The following CDYL variants were observed in gnomAD, a reference collection of about 807,000 sequenced individuals.
CDYL encodes the protein chromodomain Y like, also known as chromodomain Y-like protein.
A neutral mutation model predicts 47.3 loss-of-function variants in CDYL; 8 were observed. That is an observed-to-expected ratio of 0.17 (90% CI 0.10 to 0.31). CDYL has a LOEUF of 0.31. CDYL is among the 10% of genes least tolerant of loss of function. The pLI is 1.00. For missense variants in CDYL, 471 were observed against 701.4 expected (o/e 0.67, Z 3.71); for synonymous variants, 266 against 265.0 (o/e 1.00, Z -0.04).
chr6:4,924,391 A>ACCTGCC (rs1448839217), intron 2 of CDYL, among the ~76,000 whole-genome samples: 5 of 152,166 alleles, frequency 3.3e-5, no homozygotes, highest in Non-Finnish European at 5.9e-5. Context: ...TTTGCCGTTC[A>ACCTGCC]CCTGCCCTTC....
chr6:4,854,220 C>T (rs1440296543), intron 1 of CDYL, among the ~76,000 whole-genome samples: 1 of 152,216 alleles, frequency 6.6e-6, no homozygotes, highest in Non-Finnish European at 1.5e-5. Flanking sequence ...GTGTCTGGCT[C>T]TCCTCACTGG....
intron 2 of CDYL, among the ~76,000 whole-genome samples, chr6:4,717,742 T>TAAAAAAAAAAAA (rs1434471633): frequency 2.6e-5 from 3 of 115,978 alleles, no homozygotes; most frequent in African/African-American, 9.6e-5. Flanking sequence ...AAAAAAAAAT[T>TAAAAAAAAAAAA]AAAAATTGAA....
At chr6:4,795,132 T>A (rs1335536938) in intron 1 of CDYL, among the ~76,000 whole-genome samples, 1 of 151,312 alleles carries the variant, frequency 6.6e-6, no homozygotes. Context: ...AAGCTGTGAA[T>A]ATTTGTTAGA....
chr6:4,723,974 T>C (rs1025138840), intron 2 of CDYL, among the ~76,000 whole-genome samples: 3 of 152,236 alleles, frequency 2.0e-5, no homozygotes, highest in Non-Finnish European at 4.4e-5. Context: ...GAGAGATTTA[T>C]GTATCCGTGA....
chr6:4,787,787 T>TTTTTTTC (rs1758795824), intron 1 of CDYL, among the ~76,000 whole-genome samples: 1 of 143,974 alleles, frequency 6.9e-6, no homozygotes, highest in African/African-American at 2.7e-5. Flanking sequence ...TTTTTTTTTT[T>TTTTTTTC]TGGGAGACAG....
intron 2 of CDYL, among the ~76,000 whole-genome samples, chr6:4,900,631 C>T (rs1456300768): frequency 2.6e-5 from 4 of 151,350 alleles, no homozygotes; most frequent in Non-Finnish European, 4.4e-5. Flanking sequence ...ACATATTTAC[C>T]TATTCTTAAC....
intron 2 of CDYL, among the ~76,000 whole-genome samples, chr6:4,732,936 A>C (rs9392635): frequency 6.6e-6 from 1 of 152,124 alleles, no homozygotes; most frequent in South Asian, 2.1e-4. Context: ...AGAGCGGAAC[A>C]GTGAAAGCTA....
chr6:4,764,871 A>G (rs1206766089), intron 3 of CDYL, among the ~76,000 whole-genome samples: 1 of 151,454 alleles, frequency 6.6e-6, no homozygotes, highest in African/African-American at 2.4e-5. Context: ...ACATATATAT[A>G]ATAGAGAGAA....
intron 2 of CDYL, among the ~76,000 whole-genome samples, chr6:4,915,293 G>T (rs2127503345): frequency 6.6e-6 from 1 of 152,280 alleles, no homozygotes; most frequent in South Asian, 2.1e-4. Context: ...TTACCACTCT[G>T]CTCTCTAGCC....
At chr6:4,746,706 A>G (rs974070216) in intron 3 of CDYL, among the ~76,000 whole-genome samples, 1 of 152,120 alleles carries the variant, frequency 6.6e-6, no homozygotes, top group Admixed American at 6.5e-5. Context: ...AATCAAATAG[A>G]GCTCACAGGA....
chr6:4,761,628 C>T (rs535801084), intron 3 of CDYL, among the ~76,000 whole-genome samples: 82 of 152,324 alleles, frequency 5.4e-4, no homozygotes, highest in Non-Finnish European at 2.8e-4. Context: ...AGGCATGAGC[C>T]ACCACGCCCG....
chr6:4,809,494 G>C (rs998003531), intron 1 of CDYL, among the ~76,000 whole-genome samples: 1 of 152,134 alleles, frequency 6.6e-6, no homozygotes, highest in Non-Finnish European at 1.5e-5. Flanking sequence ...TTGTATGATA[G>C]GGATATTATA....
At chr6:4,943,987 T>C (rs776779042) in intron 5 of CDYL, among the ~76,000 whole-genome samples, 1 of 152,178 alleles carries the variant, frequency 6.6e-6, no homozygotes, top group African/African-American at 2.4e-5. Flanking sequence ...CACATGGATA[T>C]CTACTGTTAG....
chr6:4,947,553 C>T (rs939288573), intron 5 of CDYL, among the ~76,000 whole-genome samples: 73 of 152,152 alleles, frequency 4.8e-4, no homozygotes, highest in African/African-American at 1.6e-3. Context: ...AGCACGTGGA[C>T]GGCTGCCTGT....
intron 1 of CDYL, among the ~76,000 whole-genome samples, chr6:4,709,391 T>G (rs1387286078): frequency 6.6e-6 from 1 of 152,166 alleles, no homozygotes; most frequent in African/African-American, 2.4e-5. Flanking sequence ...AGAGACGGGA[T>G]TTCATCATGT....
At chr6:4,828,010 T>C (rs769574938) in intron 1 of CDYL, among the ~76,000 whole-genome samples, 1 of 152,216 alleles carries the variant, frequency 6.6e-6, no homozygotes, top group Non-Finnish European at 1.5e-5. Context: ...AATTCCTAAA[T>C]ACAGTACTAC....
intron 1 of CDYL, among the ~76,000 whole-genome samples, chr6:4,709,194 C>T (rs1252935234): frequency 6.6e-6 from 1 of 151,834 alleles, no homozygotes; most frequent in Non-Finnish European, 1.5e-5. Context: ...ATTCATTGCA[C>T]CCAGTCATTT....
chr6:4,941,794 T>C (rs1758367366), intron 4 of CDYL, among the ~76,000 whole-genome samples: 1 of 152,210 alleles, frequency 6.6e-6, no homozygotes, highest in African/African-American at 2.4e-5. Context: ...ATCGCTTTTA[T>C]GTTAATTTAT....
At chr6:4,767,664 G>A (rs1329594292) in intron 3 of CDYL, among the ~76,000 whole-genome samples, 1 of 152,016 alleles carries the variant, frequency 6.6e-6, no homozygotes, top group East Asian at 1.9e-4. Context: ...AATTAAATAG[G>A]CCTACAAAAT....
Sources: gnomAD v4.1 joint callset for allele counts (sites outside exome capture counted in the v4.1 genomes callset) on GRCh38, gnomAD v4.1.1 for gene constraint, MANE v1.5 for transcripts, NCBI Gene and HGNC (gene_info 2026-07-23, HGNC 2026-07-21) for gene names.